The following CCDC18 variants were observed in gnomAD, a reference collection of about 807,000 sequenced individuals.
CCDC18 encodes coiled-coil domain-containing protein 18.
In CCDC18, 157 loss-of-function variants were observed where a neutral mutation model predicts 196.0. That is an observed-to-expected ratio of 0.80 (90% CI 0.70 to 0.91). The LOEUF is 0.91. CCDC18 is among the 40% of genes least tolerant of loss of function. The pLI is 0.00. For missense variants in CCDC18, 1,465 were observed against 1,611.6 expected, an observed-to-expected ratio of 0.91 and a Z score of 1.56; for synonymous variants, 482 against 529.2, an observed-to-expected ratio of 0.91 and a Z score of 1.22.
At chr1:93,237,269 A>G (rs1451734352) in intron 19 of CCDC18, among the ~76,000 whole-genome samples, 1 of 152,150 alleles carries the variant, frequency 6.6e-6, no homozygotes, top group Non-Finnish European at 1.5e-5. Flanking sequence ...CAGATGTTCT[A>G]CTCACTAACA....
chr1:93,271,066 A>C (rs1570664162), intron 28 of CCDC18: 3 of 984,110 alleles, frequency 3.0e-6, no homozygotes, highest in Non-Finnish European at 3.6e-6. Context: ...GAAGATAGAC[A>C]TGAAAGTGCT....
chr1:93,270,229 A>G, intron 27 of CCDC18, 118 bp from the exon 28 acceptor site: 1 of 653,848 alleles, frequency 1.5e-6, no homozygotes, highest in East Asian at 2.7e-5. Flanking sequence ...CAAGAATTAT[A>G]AACAGAATTC....
intron 14 of CCDC18, among the ~76,000 whole-genome samples, chr1:93,218,878 T>C (rs1645214636): frequency 6.6e-6 from 1 of 152,222 alleles, no homozygotes; most frequent in Admixed American, 6.5e-5. Flanking sequence ...TTCGCTGCAA[T>C]TGAAGTCTTG....
At chr1:93,250,591 C>G (rs1249401231) in intron 23 of CCDC18, among the ~76,000 whole-genome samples, 1 of 151,998 alleles carries the variant, frequency 6.6e-6, no homozygotes, top group East Asian at 1.9e-4. Flanking sequence ...TTGCAACCAC[C>G]TATTTGTCCC....
intron 27 of CCDC18, among the ~76,000 whole-genome samples, chr1:93,265,474 C>T (rs1664371104): frequency 6.6e-6 from 1 of 152,088 alleles, no homozygotes; most frequent in South Asian, 2.1e-4. Context: ...TAAATAAAAT[C>T]CTACTTATAT....
chr1:93,183,415 G>A lies in CCDC18; in HGVS notation c.54G>A (p.Leu18=). 6.2e-7 allele frequency: 1 copy of A among 1,605,516 alleles called. No individual in the cohort carries two copies. The highest frequency in any genetic ancestry group is 1.1e-5 in the South Asian group (1 of 89,966). The change falls in exon 2 of 29, where the codon TTG becomes TTA. Residue 18 remains leucine (L), a synonymous_variant. Coordinates refer to ENST00000690025, the MANE Select transcript of CCDC18 (RefSeq NM_001378204.1). The part of the protein sequence containing the change: ...YYNKDNEEES[L]LANVASLRHE... ...ATAAAGACAATGAAGAGGAAAGTTT[G>A]CTTGCAAATGTTGCTTCCTTAAGAC...
intron 26 of CCDC18, among the ~76,000 whole-genome samples, chr1:93,262,606 C>T (rs1255947220): frequency 1.3e-5 from 2 of 152,214 alleles, no homozygotes; most frequent in Non-Finnish European, 2.9e-5. Context: ...TGGGCAGCTC[C>T]ACCCCTGTGG....
At position 93,232,492 on chromosome 1, in the gene CCDC18, G is replaced by A. The variant is rs200030282; in HGVS notation, c.2359G>A (p.Val787Ile). The A allele has an allele frequency of 1.5e-5, 24 of 1,612,372 alleles. No homozygotes were observed. The Admixed American group carries it at 1.5e-4, about 10-fold the overall frequency. Residue 787 changes from valine (V) to isoleucine (I), a missense_variant, in exon 18 of 29, where the codon GTT (valine) becomes ATT (isoleucine). Transcript: ENST00000690025. Reference sequence around the variant, plus strand: ...TCTTCAAGAGACTTCTGAGCAAAACGTTATTCTACAGCATACTCTTCAGCA... The same window carrying A: ...TCTTCAAGAGACTTCTGAGCAAAACATTATTCTACAGCATACTCTTCAGCA... Reference protein sequence around the residue: ...HSLQETSEQNVILQHTLQQQQ... With the variant: ...HSLQETSEQNIILQHTLQQQQ...
rs1175202084 is a variant in CCDC18, at chr1:93,264,897, C to G, written c.3881C>G (p.Thr1294Ser). ...VIEAANEALL[T>S]KESELTRLQA... ...GAAGCTGCAAATGAAGCATTACTTACTAAAGTAAGTAAACATATAAAAGTA... is the reference window on the plus strand; with the variant it reads ...GAAGCTGCAAATGAAGCATTACTTAGTAAAGTAAGTAAACATATAAAAGTA... The change falls in exon 27 of 29, where the codon ACT becomes AGT. Residue 1294 changes from threonine (T) to serine (S), a missense_variant. Coordinates refer to ENST00000690025, the MANE Select transcript of CCDC18 (RefSeq NM_001378204.1). 10 of 1,588,642 alleles carry G rather than the reference C, an allele frequency of 6.3e-6. No homozygotes were observed. The highest frequency in any genetic ancestry group is 8.6e-6 in the Non-Finnish European group (10 of 1,157,208).
chr1:93,262,003 T>C (rs1663860337), intron 26 of CCDC18, among the ~76,000 whole-genome samples: 1 of 152,166 alleles, frequency 6.6e-6, no homozygotes, highest in African/African-American at 2.4e-5. Context: ...AGGCATGTCT[T>C]ACATGGCAGC....
In CCDC18 at chr1:93,207,396, C is replaced by G; in HGVS notation, c.1207C>G (p.Pro403Ala). ...RSLEKIISQL[P>A]LKRELFGFKS... Reference sequence around the variant, plus strand: ...TTTGGAAAAGATTATATCCCAGTTGCCAGTAAGTATGTGTGATTACGTAAT... The same window carrying G: ...TTTGGAAAAGATTATATCCCAGTTGGCAGTAAGTATGTGTGATTACGTAAT... The change falls in exon 9 of 29, where the codon CCA becomes GCA. Residue 403 changes from proline (P) to alanine (A), a missense_variant and splice_region_variant. Pro to Ala is a conservative substitution (Grantham distance 27, BLOSUM62 -1). Transcript: ENST00000690025. 1.3e-6 allele frequency: 2 copies of G among 1,580,458 alleles called. No homozygotes were observed.
intron 27 of CCDC18, among the ~76,000 whole-genome samples, chr1:93,266,064 T>C (rs2101387763): frequency 6.6e-6 from 1 of 152,190 alleles, no homozygotes; most frequent in Admixed American, 6.5e-5. Context: ...CTTCAGCAAA[T>C]GTAAAAGAAT....
rs1280306365 is a variant in CCDC18, at chr1:93,217,834, G to T, written c.1927G>T (p.Glu643Ter). The T allele has an allele frequency of 6.2e-7, 1 of 1,612,384 alleles. No individual in the cohort carries two copies. Among genetic ancestry groups the T allele is most frequent in the East Asian group, 2.2e-5 (1 of 44,840 alleles). The change falls in exon 14 of 29, where the codon GAA becomes TAA. Residue 643 changes from glutamate (E) to a stop codon, truncating the protein, a stop_gained. Coordinates refer to ENST00000690025, the MANE Select transcript of CCDC18 (RefSeq NM_001378204.1). LOFTEE classifies it high-confidence loss of function. ...AFEKAKKIHL[E>*]QHKEMEKQIE... Reference sequence around the variant, plus strand: ...TGAAAAAGCAAAGAAAATTCACTTGGAACAGCATAAAGAAATGGAAAAGCA... The same window carrying T: ...TGAAAAAGCAAAGAAAATTCACTTGTAACAGCATAAAGAAATGGAAAAGCA...
intron 24 of CCDC18, among the ~76,000 whole-genome samples, chr1:93,255,331 A>G (rs1262513420): frequency 6.6e-6 from 1 of 152,170 alleles, no homozygotes; most frequent in African/African-American, 2.4e-5. Flanking sequence ...ATAATTGTAC[A>G]TTGAGACCAA....
intron 7 of CCDC18, 49 bp from the exon 8 acceptor site, chr1:93,205,461 C>G: frequency 6.6e-7 from 1 of 1,514,270 alleles, no homozygotes; most frequent in Non-Finnish European, 8.9e-7. Context: ...GCTTGAAACA[C>G]CTAAAACTTA....
chr1:93,232,448 T>G lies in CCDC18; in HGVS notation c.2315T>G (p.Leu772Arg), dbSNP rs372216719. 7 of 1,603,504 alleles carry G rather than the reference T, an allele frequency of 4.4e-6. No homozygotes were observed. Among genetic ancestry groups the G allele is most frequent in the Non-Finnish European group, 6.0e-6 (7 of 1,173,436 alleles). ...CAGGTATATTGTTTACAGAAAGAGC[T>G]AAAGATAAAAAATCACAGTCTTCAA... Reference protein sequence around the residue: ...SEEVYCLQKELKIKNHSLQET... With the variant: ...SEEVYCLQKERKIKNHSLQET... Residue 772 changes from leucine (L) to arginine (R), a missense_variant, in exon 18 of 29, where the codon CTA (leucine) becomes CGA (arginine). Coordinates refer to ENST00000690025, the MANE Select transcript of CCDC18 (RefSeq NM_001378204.1).
At chr1:93,231,712 A>C (rs932117701) in intron 17 of CCDC18, among the ~76,000 whole-genome samples, 3 of 152,202 alleles carry the variant, frequency 2.0e-5, no homozygotes, top group Non-Finnish European at 1.5e-5. Context: ...TCAAGTCCTA[A>C]ATATATAGAG....
chr1:93,196,290 C>A (rs1652712636), intron 6 of CCDC18, among the ~76,000 whole-genome samples: 1 of 152,108 alleles, frequency 6.6e-6, no homozygotes, highest in South Asian at 2.1e-4. Context: ...TGCCATTGCA[C>A]TCCAGCCTGA....
At chr1:93,212,929 C>T (rs941311755) in intron 11 of CCDC18, among the ~76,000 whole-genome samples, 2 of 152,096 alleles carry the variant, frequency 1.3e-5, no homozygotes, top group Admixed American at 1.3e-4. Flanking sequence ...CCTTGTTTTC[C>T]TGCAACTAGA....
Sources: allele counts gnomAD v4.1 joint callset (sites outside exome capture counted in the v4.1 genomes callset), GRCh38; gene constraint gnomAD v4.1.1; transcripts MANE v1.5; gene names NCBI Gene and HGNC (gene_info 2026-07-23, HGNC 2026-07-21).